ANKLE2: variants seen among roughly 807,000 people sequenced by gnomAD.
ANKLE2 encodes ankyrin repeat and LEM domain-containing protein 2.
Under a neutral mutation model 84.2 loss-of-function variants are expected in ANKLE2, and 55 were observed. The ratio of observed to expected loss-of-function variants is 0.65; its 90% CI spans 0.53 to 0.82. The LOEUF is 0.82. Among genes scored for constraint, ANKLE2 ranks in the 40% least tolerant of loss-of-function variants. ANKLE2 has a pLI of 0.00. For synonymous variants in ANKLE2, 551 were observed against 486.1 expected (o/e 1.13, Z -1.76); for missense variants, 1,238 against 1,201.9 (o/e 1.03, Z -0.44).
In ANKLE2 at chr12:132,727,400, G is replaced by A; in HGVS notation, c.2659C>T (p.Pro887Ser). ...TAGCTGTGAGGGCCACTGAGATCTG[G>A]CAGCTGAGACTTGAACCTTCCTTTC... ...AVKGRFKSQL[P>S]DLSGPHSYSP... Residue 887 changes from proline (P) to serine (S), a missense_variant, in exon 13 of 13, where the codon CCA (proline) becomes TCA (serine). By Grantham distance (74) the Pro-to-Ser change is moderately conservative. Coordinates refer to ENST00000357997, the MANE Select transcript of ANKLE2 (RefSeq NM_015114.3). 1.3e-6 allele frequency: 2 copies of A among 1,561,516 alleles called. No individual in the cohort carries two copies. Among genetic ancestry groups the A allele is most frequent in the Middle Eastern group, 3.3e-4 (2 of 6,004 alleles).
At chr12:132,747,414 G>A (rs953950634) in intron 5 of ANKLE2, among the ~76,000 whole-genome samples, 3 of 151,846 alleles carry the variant, frequency 2.0e-5, no homozygotes, top group Non-Finnish European at 4.4e-5. Context: ...ACAGCCCTGC[G>A]TGTCAGGCAG....
At chr12:132,727,942 C>T in intron 12 of ANKLE2, 90 bp downstream of exon 12, 1 of 1,508,908 alleles carries the variant, frequency 6.6e-7, no homozygotes, top group East Asian at 2.3e-5. Context: ...TGGGAAAAGC[C>T]ACTGATAGGT....
At position 132,732,408 on chromosome 12, in the gene ANKLE2, G is replaced by A. The variant is rs528035821; in HGVS notation, c.1891+1977C>T. ...TGCGTGCTGGTGTCTGATACGCACC[G>A]TGTGAAGCTCTCTGCGTCCTGGTGT... On this transcript the variant is annotated intron_variant, in intron 10 of 12. Transcript: ENST00000357997. 3.3e-3 allele frequency among the ~76,000 whole-genome samples: 455 copies of A among 138,074 alleles called. 7 individuals are homozygous for A. Among genetic ancestry groups the A allele is most frequent in the Non-Finnish European group, 6.1e-3 (390 of 63,594 alleles). The allele number at this position is 138,074 out of a possible 152,430, so 90.6% of individuals were successfully genotyped here.
In ANKLE2 at chr12:132,761,725, A is replaced by G. The variant is rs1453256264; in HGVS notation, c.74T>C (p.Leu25Pro). The G allele has an allele frequency of 7.5e-7, 1 of 1,329,472 alleles. No individual in the cohort carries two copies. Among genetic ancestry groups the G allele is most frequent in the Non-Finnish European group, 9.7e-7 (1 of 1,032,078 alleles). 82.4% of individuals were successfully genotyped at this position (1,329,472 alleles called of 1,614,324 possible). ...CCGCACCAGCCACCGCACAGCGATCAGCAGCACCGAGGCGCCCAGCAGCTC... is the reference window on the plus strand; with the variant it reads ...CCGCACCAGCCACCGCACAGCGATCGGCAGCACCGAGGCGCCCAGCAGCTC... Reference protein sequence around the residue: ...AWELLGASVLLIAVRWLVRRL... With the variant: ...AWELLGASVLPIAVRWLVRRL... The change falls in exon 1 of 13, where the codon CTG becomes CCG. Residue 25 changes from leucine to proline, a missense_variant. Leu to Pro is a moderately conservative substitution (Grantham distance 98). Transcript: ENST00000357997.
intron 10 of ANKLE2, among the ~76,000 whole-genome samples, chr12:132,733,033 C>T (rs1420277505): frequency 7.0e-6 from 1 of 142,044 alleles, no homozygotes; most frequent in Non-Finnish European, 1.5e-5. Context: ...GCTCTGCGTC[C>T]TGGTGTCTGA....
intron 11 of ANKLE2, among the ~76,000 whole-genome samples, chr12:132,728,884 T>C (rs1334701136): frequency 6.6e-6 from 1 of 152,182 alleles, no homozygotes; most frequent in Non-Finnish European, 1.5e-5. Flanking sequence ...CCAAGATGGC[T>C]TTTCTTCCTA....
intron 6 of ANKLE2, among the ~76,000 whole-genome samples, chr12:132,742,786 CCAT>C (rs1470438242): frequency 2.8e-5 from 4 of 143,528 alleles, no homozygotes; most frequent in Non-Finnish European, 6.2e-5. Context: ...CTCACTACCA[CCAT>C]CATCACCATC....
chr12:132,759,811 G>A (rs1371861595), intron 1 of ANKLE2: 1 of 152,004 alleles, frequency 6.6e-6, no homozygotes, highest in Non-Finnish European at 1.5e-5. Flanking sequence ...TCCTAAAAGA[G>A]CAGGCTGAAA....
chr12:132,748,089 T>C (rs199906769), intron 4 of ANKLE2, 49 bp downstream of exon 4: 16 of 1,606,212 alleles, frequency 1.0e-5, no homozygotes, highest in Admixed American at 5.1e-5. Context: ...AGTGCTGCGA[T>C]GGAACGGCCG....
At chr12:132,750,204 CAAAAAAAAA>C (rs1038591889) in intron 3 of ANKLE2, among the ~76,000 whole-genome samples, 1 of 79,446 alleles carries the variant, frequency 1.3e-5, no homozygotes, top group Non-Finnish European at 2.3e-5. Flanking sequence ...GACTCCATCT[CAAAAAAAAA>C]AAAAAAAAAA....
chr12:132,730,139 T>A lies in ANKLE2; in HGVS notation c.2023A>T (p.Ser675Cys). 1 of 1,612,452 alleles carries A rather than the reference T, an allele frequency of 6.2e-7. No individual in the cohort carries two copies. The highest frequency in any genetic ancestry group is 1.1e-5 in the South Asian group (1 of 91,082). ...TVGAFGHTRC[S>C]AFPLEQEADL... ...GCCTCCTGCTCCAAGGGGAAGGCGC[T>A]GCACCTCGTATGTCCAAAAGCACCG... The change falls in exon 11 of 13, where the codon AGC becomes TGC. Residue 675 changes from serine to cysteine, a missense_variant. By Grantham distance (112) the Ser-to-Cys change is moderately radical. Coordinates refer to ENST00000357997, the MANE Select transcript of ANKLE2 (RefSeq NM_015114.3).
At chr12:132,728,680 C>A (rs1247348094) in intron 11 of ANKLE2, among the ~76,000 whole-genome samples, 1 of 152,200 alleles carries the variant, frequency 6.6e-6, no homozygotes, top group South Asian at 2.1e-4. Flanking sequence ...GCCAGGGAGG[C>A]GGATGCAGAC....
chr12:132,752,483 C>G (rs1475764151), intron 2 of ANKLE2, among the ~76,000 whole-genome samples: 1 of 152,172 alleles, frequency 6.6e-6, no homozygotes, highest in Non-Finnish European at 1.5e-5. Context: ...CTCACTGCAA[C>G]CTCAGCCTCC....
In ANKLE2 at chr12:132,743,912, GAAT is replaced by G. The variant is rs1299860363; in HGVS notation, c.1231-639_1231-637del. On this transcript the variant is annotated intron_variant, in intron 5 of 12. Transcript: ENST00000357997. This position sits in a 1 kb window ranked among gnomAD's most constrained non-coding sequence, Gnocchi z 4.1. ...AATACACAGATGAGGACCACAACCAGAATAAAGCAAAGCGCACGAATTTGGTCT... is the reference window on the plus strand; with the variant it reads ...AATACACAGATGAGGACCACAACCAGAAAGCAAAGCGCACGAATTTGGTCT... Among the ~76,000 whole-genome samples the G allele has an allele frequency of 2.6e-5, 4 of 152,148 alleles. No homozygotes were observed. In the East Asian group the frequency reaches 7.7e-4, roughly 29 times the overall value.
At chr12:132,750,580 G>A (rs2044333145) in intron 3 of ANKLE2, 63 bp downstream of exon 3, 20 of 1,568,056 alleles carry the variant, frequency 1.3e-5, no homozygotes, top group Non-Finnish European at 1.8e-5. Context: ...AGGAAAGAAG[G>A]CACAAAACAG....
intron 6 of ANKLE2, chr12:132,741,833 T>TA (rs150757191): frequency 2.7e-4 from 128 of 474,606 alleles, no homozygotes; most frequent in African/African-American, 2.1e-3. Flanking sequence ...GAGTTCCACT[T>TA]ACAGGAAGCC....
intron 2 of ANKLE2, among the ~76,000 whole-genome samples, chr12:132,753,353 G>T (rs1012732721): frequency 6.6e-6 from 1 of 151,950 alleles, no homozygotes; most frequent in Non-Finnish European, 1.5e-5. Context: ...CAACCAATTA[G>T]CTAGGCGTGC....
In ANKLE2 at chr12:132,727,274, T is replaced by C. The variant is rs1373013497; in HGVS notation, c.2785A>G (p.Met929Val). The C allele has an allele frequency of 6.4e-7, 1 of 1,566,068 alleles. No individual in the cohort carries two copies. Among genetic ancestry groups the C allele is most frequent in the Non-Finnish European group, 8.7e-7 (1 of 1,155,804 alleles). The change falls in exon 13 of 13, where the codon ATG becomes GTG. Residue 929 changes from methionine (M) to valine (V), a missense_variant. By Grantham distance (21) the Met-to-Val change is conservative. Coordinates refer to ENST00000357997, the MANE Select transcript of ANKLE2 (RefSeq NM_015114.3). ...SPVHGSQLRR[M>V]ARLAELAAL is the part of the protein sequence containing the mutation. ...GCGGCAAGCTCAGCCAGGCGCGCCA[T>C]CCTGCGGAGCTGGCTCCCGTGCACG...
In ANKLE2 at chr12:132,737,055, G is replaced by A. The variant is rs117603325; in HGVS notation, c.1431C>T (p.Tyr477=). The A allele has an allele frequency of 2.2e-3, 3,520 of 1,600,046 alleles. 53 individuals are homozygous for A. The East Asian group carries it at 0.047, about 21-fold the overall frequency. ...TCTCTTCCGCTCTCAGGAGGGGCAC[G>A]TAGTAGTGGCCTGAGGGAGGAGACA... is the stretch of plus-strand genomic sequence containing the variant. ...RIREYLKGHY[Y]VPLLRAEETS... is the part of the protein sequence containing the mutation. The change falls in exon 8 of 13, where the codon TAC becomes TAT. Residue 477 remains tyrosine, a synonymous_variant. Coordinates refer to ENST00000357997, the MANE Select transcript of ANKLE2 (RefSeq NM_015114.3).
Sources: gnomAD v4.1 joint callset for allele counts (sites outside exome capture counted in the v4.1 genomes callset) on GRCh38, gnomAD v4.1.1 for gene constraint, Gnocchi (gnomAD v3.1) non-coding constraint, MANE v1.5 for transcripts, NCBI Gene and HGNC (gene_info 2026-07-23, HGNC 2026-07-21) for gene names.